Variants in AGBL1 observed in about 807,000 individuals in gnomAD.
The protein encoded by AGBL1 is cytosolic carboxypeptidase 4.
In AGBL1, 130 loss-of-function variants were observed where a neutral mutation model predicts 118.9. The ratio of observed to expected loss-of-function variants is 1.09; its 90% CI spans 0.95 to 1.26. The LOEUF (loss-of-function observed/expected upper bound fraction) is 1.26, where lower values mean the gene tolerates loss of function less well. Ranked by LOEUF, AGBL1 falls within the 50% of genes most tolerant of loss-of-function variation. AGBL1 has a pLI of 0.00. For synonymous variants in AGBL1, 555 were observed against 478.9 expected (o/e 1.16, Z -2.08); for missense variants, 1,584 against 1,298.1 (o/e 1.22, Z -3.38).
intron 20 of AGBL1, among the ~76,000 whole-genome samples, chr15:86,548,661 A>ACGCACG (rs996580973): frequency 9.4e-6 from 1 of 105,906 alleles, no homozygotes; most frequent in African/African-American, 3.7e-5. Flanking sequence ...ACACACATGC[A>ACGCACG]CGCACACACA....
At chr15:86,953,694 G>C (rs891832763) in intron 23 of AGBL1, among the ~76,000 whole-genome samples, 22 of 151,970 alleles carry the variant, frequency 1.4e-4, no homozygotes, top group African/African-American at 4.6e-4. Flanking sequence ...GCTGGACAAG[G>C]GTTGTGTTCT....
At chr15:86,671,834 A>C (rs1257302648) in intron 21 of AGBL1, among the ~76,000 whole-genome samples, 8 of 152,128 alleles carry the variant, frequency 5.3e-5, no homozygotes, top group Non-Finnish European at 1.5e-5. Flanking sequence ...CTATTTACCC[A>C]TTTATCACAT....
At chr15:86,193,034 A>C (rs911500103) in intron 5 of AGBL1, among the ~76,000 whole-genome samples, 2 of 152,314 alleles carry the variant, frequency 1.3e-5, no homozygotes, top group East Asian at 3.9e-4. Flanking sequence ...TATTAAAAAA[A>C]GTATTTTTTA....
intron 22 of AGBL1, among the ~76,000 whole-genome samples, chr15:86,775,086 T>A (rs1217424832): frequency 6.6e-6 from 1 of 152,184 alleles, no homozygotes; most frequent in African/African-American, 2.4e-5. Context: ...AAAACAGGCA[T>A]GATTCCTGCC....
At chr15:86,769,026 A>C (rs2078134299) in intron 22 of AGBL1, among the ~76,000 whole-genome samples, 1 of 151,944 alleles carries the variant, frequency 6.6e-6, no homozygotes, top group Admixed American at 6.6e-5. Flanking sequence ...CTCATAACAA[A>C]AGCAGTCGCC....
At chr15:86,113,931 T>A (rs1897595808) in intron 1 of AGBL1, among the ~76,000 whole-genome samples, 1 of 152,224 alleles carries the variant, frequency 6.6e-6, no homozygotes, top group Non-Finnish European at 1.5e-5. Context: ...TATAAGATGC[T>A]GTGTGTTATA....
In AGBL1 at chr15:86,683,506, G is replaced by T. The variant is rs1273772121; in HGVS notation, c.3158+9070G>T. ...ACCTAAAATAATGCCTATTTTACAA[G>T]TGACTCCATGGGAGTCCAGGGAATC... On this transcript the variant is annotated intron_variant, in intron 22 of 22. Coordinates refer to ENST00000614907, the MANE Select transcript of AGBL1 (RefSeq NM_001386094.1). Among the ~76,000 whole-genome samples the T allele has an allele frequency of 2.6e-5, 4 of 152,230 alleles. No individual in the cohort carries two copies. The East Asian group carries it at 7.7e-4, about 29-fold the overall frequency.
chr15:86,456,448 C>T (rs1254647305), intron 18 of AGBL1, among the ~76,000 whole-genome samples: 1 of 152,172 alleles, frequency 6.6e-6, no homozygotes, highest in Non-Finnish European at 1.5e-5. Flanking sequence ...TAGCATTCTT[C>T]CCAATGACCA....
At chr15:86,229,930 C>T (rs960234450) in intron 6 of AGBL1, among the ~76,000 whole-genome samples, 67 of 152,178 alleles carry the variant, frequency 4.4e-4, no homozygotes, top group African/African-American at 1.6e-3. Flanking sequence ...TCTGTCAGAC[C>T]ACTCTCCAAT....
Position 86,719,957 on chromosome 15 carries a change from C to T in AGBL1, c.3158+45521C>T, listed in dbSNP as rs188413004. 4.6e-5 allele frequency among the ~76,000 whole-genome samples: 7 copies of T among 152,292 alleles called. No homozygotes were observed. In the South Asian group the frequency reaches 6.2e-4, roughly 14 times the overall value. ...GCCACGGATTCTCAAGCTCCTTAGC[C>T]GATTTTTCCCTAGCTTTCTCATCTA... On this transcript the variant is annotated intron_variant, in intron 22 of 22. Transcript: ENST00000614907.
At chr15:86,669,253 T>C (rs889238183) in intron 21 of AGBL1, among the ~76,000 whole-genome samples, 3 of 152,138 alleles carry the variant, frequency 2.0e-5, no homozygotes, top group Non-Finnish European at 4.4e-5. Flanking sequence ...AAAATAACCA[T>C]GGTTATATGT....
At chr15:86,815,258 T>C (rs1322874565) in intron 22 of AGBL1, among the ~76,000 whole-genome samples, 2 of 152,186 alleles carry the variant, frequency 1.3e-5, no homozygotes, top group Non-Finnish European at 2.9e-5. Flanking sequence ...TTTTGAACTT[T>C]TACTCATTTA....
At chr15:86,651,462 G>C (rs952593765) in intron 21 of AGBL1, among the ~76,000 whole-genome samples, 1 of 152,134 alleles carries the variant, frequency 6.6e-6, no homozygotes, top group Non-Finnish European at 1.5e-5. Flanking sequence ...GGCTTTCCTT[G>C]CTGTGTGAAT....
intron 18 of AGBL1, among the ~76,000 whole-genome samples, chr15:86,454,978 G>A (rs991392142): frequency 4.6e-5 from 7 of 152,136 alleles, no homozygotes; most frequent in Non-Finnish European, 8.8e-5. Flanking sequence ...TGGTCAAGCC[G>A]TCTGTCTACA....
Position 86,428,801 on chromosome 15 carries a change from A to G in AGBL1, c.2555+31255A>G, listed in dbSNP as rs186029142. The stretch of plus-strand genomic sequence containing the variant: ...AATAAACTGAGTCTTTCCAAAAGCA[A>G]AGGAATACATGAAACCCTTTCTTGC... On this transcript the variant is annotated intron_variant, in intron 18 of 22. Transcript: ENST00000614907. Among the ~76,000 whole-genome samples, 14 of 152,356 alleles carry G rather than the reference A, an allele frequency of 9.2e-5. No homozygotes were observed. The East Asian group carries it at 1.2e-3, about 13-fold the overall frequency.
intron 5 of AGBL1, among the ~76,000 whole-genome samples, chr15:86,198,023 G>T (rs1187701455): frequency 6.6e-6 from 1 of 152,150 alleles, no homozygotes; most frequent in Admixed American, 6.5e-5. Context: ...GTTTCAAGAG[G>T]CCAAGCTATC....
chr15:86,348,780 G>GAAAAAAA (rs60441568), intron 17 of AGBL1, among the ~76,000 whole-genome samples: 1 of 127,914 alleles, frequency 7.8e-6, no homozygotes, highest in East Asian at 3.7e-4. Flanking sequence ...TGTCTCAAAA[G>GAAAAAAA]AAAAAAAAAA....
chr15:86,652,969 A>C (rs2085400332), intron 21 of AGBL1, among the ~76,000 whole-genome samples: 1 of 152,194 alleles, frequency 6.6e-6, no homozygotes, highest in Non-Finnish European at 1.5e-5. Context: ...AACGGTCCCC[A>C]TAACAAATAA....
chr15:86,478,912 A>C (rs1370144258), intron 18 of AGBL1, among the ~76,000 whole-genome samples: 3 of 152,214 alleles, frequency 2.0e-5, no homozygotes, highest in East Asian at 1.9e-4. Flanking sequence ...ACAACAGAGC[A>C]CTCAGAAAGA....
Sources: allele counts gnomAD v4.1 joint callset (sites outside exome capture counted in the v4.1 genomes callset), GRCh38; gene constraint gnomAD v4.1.1; transcripts MANE v1.5; gene names NCBI Gene and HGNC (gene_info 2026-07-23, HGNC 2026-07-21).